The following SGCZ variants were observed in gnomAD, a reference collection of about 807,000 sequenced individuals.
SGCZ encodes the protein sarcoglycan zeta, also known as zeta-sarcoglycan.
A neutral mutation model predicts 41.3 loss-of-function variants in SGCZ; 40 were observed. The observed-to-expected ratio is 0.97, with a 90% CI of 0.75 to 1.26. SGCZ has a LOEUF of 1.26. SGCZ is among the 50% of genes most tolerant of loss of function. The probability of loss-of-function intolerance (pLI) is 0.00; values close to 1 mark genes in which losing one functional copy is unlikely to be tolerated. For missense variants in SGCZ, 552 were observed against 369.8 expected (o/e 1.49, Z -4.04); for synonymous variants, 206 against 137.5 (o/e 1.50, Z -3.49).
At chr8:14,739,585 C>G (rs1488077259) in intron 1 of SGCZ, among the ~76,000 whole-genome samples, 1 of 151,908 alleles carries the variant, frequency 6.6e-6, no homozygotes, top group Non-Finnish European at 1.5e-5. Flanking sequence ...TAAAACTGAC[C>G]AGTATTACTC....
At chr8:14,572,846 G>T (rs1049788650) in intron 1 of SGCZ, among the ~76,000 whole-genome samples, 11 of 152,010 alleles carry the variant, frequency 7.2e-5, no homozygotes, top group African/African-American at 2.7e-4. Context: ...TTAAATCCAG[G>T]TCTGTTTTTT....
chr8:14,453,221 A>C (rs928943629), intron 2 of SGCZ, among the ~76,000 whole-genome samples: 3 of 152,218 alleles, frequency 2.0e-5, no homozygotes, highest in Non-Finnish European at 2.9e-5. Context: ...TGTAAACATA[A>C]AAATTTTCTA....
intron 1 of SGCZ, among the ~76,000 whole-genome samples, chr8:14,932,114 T>C (rs868315794): frequency 4.6e-5 from 7 of 152,144 alleles, no homozygotes; most frequent in Middle Eastern, 3.4e-3. Flanking sequence ...ATATAAATTT[T>C]ACTTTTTGAA....
chr8:14,659,742 G>A (rs894293457), intron 1 of SGCZ, among the ~76,000 whole-genome samples: 17 of 152,142 alleles, frequency 1.1e-4, no homozygotes, highest in African/African-American at 3.9e-4. Flanking sequence ...TGCTGATATT[G>A]ATTAAATTGT....
At chr8:15,165,096 C>T (rs926908146) in intron 1 of SGCZ, among the ~76,000 whole-genome samples, 2 of 152,100 alleles carry the variant, frequency 1.3e-5, no homozygotes, top group African/African-American at 4.8e-5. Flanking sequence ...TCAAGACCAG[C>T]CTGACCAACA....
chr8:14,554,230 T>C (rs1354408382), intron 2 of SGCZ, among the ~76,000 whole-genome samples: 1 of 152,046 alleles, frequency 6.6e-6, no homozygotes, highest in Non-Finnish European at 1.5e-5. Flanking sequence ...TTATAGGCAT[T>C]AGTCAATGTA....
chr8:14,211,352 C>T (rs1001969453), intron 4 of SGCZ, among the ~76,000 whole-genome samples: 6 of 152,126 alleles, frequency 3.9e-5, no homozygotes, highest in Non-Finnish European at 8.8e-5. Context: ...TGCCGCAGCA[C>T]CCAGGCGCTA....
intron 1 of SGCZ, among the ~76,000 whole-genome samples, chr8:14,928,829 A>T (rs551951657): frequency 2.0e-5 from 3 of 152,322 alleles, no homozygotes; most frequent in Admixed American, 2.0e-4. Context: ...TAGTATGCAG[A>T]CAAAATGTGT....
intron 1 of SGCZ, among the ~76,000 whole-genome samples, chr8:14,664,587 C>G (rs998241472): frequency 6.6e-6 from 1 of 151,996 alleles, no homozygotes; most frequent in Non-Finnish European, 1.5e-5. Flanking sequence ...AAATCATCAA[C>G]ACCTATTCTT....
intron 1 of SGCZ, among the ~76,000 whole-genome samples, chr8:15,214,419 T>C (rs1183422240): frequency 6.6e-6 from 1 of 152,162 alleles, no homozygotes; most frequent in African/African-American, 2.4e-5. Flanking sequence ...GTCCTAAAAA[T>C]TCACATTCAC....
intron 2 of SGCZ, among the ~76,000 whole-genome samples, chr8:14,533,169 G>T (rs1340634948): frequency 1.4e-5 from 2 of 144,188 alleles, no homozygotes; most frequent in African/African-American, 2.6e-5. Context: ...AACAGGCCCC[G>T]GTGTGTTGTC....
intron 1 of SGCZ, among the ~76,000 whole-genome samples, chr8:14,943,081 C>T (rs1203587553): frequency 4.6e-5 from 7 of 152,106 alleles, no homozygotes. Context: ...AGTCATACTT[C>T]ACTAGAACTC....
intron 1 of SGCZ, among the ~76,000 whole-genome samples, chr8:15,077,973 A>C (rs1805601300): frequency 6.7e-6 from 1 of 148,648 alleles, no homozygotes. Flanking sequence ...AGGAACCTGC[A>C]CAGGGTCTTG....
intron 1 of SGCZ, among the ~76,000 whole-genome samples, chr8:14,584,213 A>G (rs2117267246): frequency 6.6e-6 from 1 of 152,296 alleles, no homozygotes; most frequent in East Asian, 1.9e-4. Context: ...TAGATACGGC[A>G]TTGAAAGACA....
intron 1 of SGCZ, among the ~76,000 whole-genome samples, chr8:14,672,196 T>C (rs942091103): frequency 2.6e-5 from 4 of 152,200 alleles, no homozygotes; most frequent in African/African-American, 9.7e-5. Flanking sequence ...CATCTGGCAG[T>C]TAACTATGAC....
intron 4 of SGCZ, among the ~76,000 whole-genome samples, chr8:14,203,834 G>T (rs1805532712): frequency 6.6e-6 from 1 of 152,098 alleles, no homozygotes; most frequent in Non-Finnish European, 1.5e-5. Context: ...TCAGACAGGA[G>T]TTACATGGAA....
intron 1 of SGCZ, among the ~76,000 whole-genome samples, chr8:14,828,840 C>A (rs1244244599): frequency 6.6e-6 from 1 of 152,104 alleles, no homozygotes; most frequent in African/African-American, 2.4e-5. Flanking sequence ...CCTTCTTTAC[C>A]ATAACAATGC....
At chr8:14,582,286 G>T (rs192685406) in intron 1 of SGCZ, among the ~76,000 whole-genome samples, 197 of 152,026 alleles carry the variant, frequency 1.3e-3, no homozygotes, top group Non-Finnish European at 2.1e-3. Context: ...ACGTTTGGGG[G>T]GAGTTAAAAT....
chr8:14,768,547 GTAA>G lies in SGCZ; in HGVS notation c.40-213624_40-213622del, dbSNP rs753457191. On this transcript the variant is annotated intron_variant, in intron 1 of 7. Transcript: ENST00000382080. ...TTAAGGGCAAATTTGGATGAAAGGA[GTAA>G]TAATAACTGAAAGTTAAAATTATGT... Among the ~76,000 whole-genome samples the G allele has an allele frequency of 6.6e-5, 10 of 152,322 alleles. No individual in the cohort carries two copies. The East Asian group carries it at 1.5e-3, about 24-fold the overall frequency.
Sources: gnomAD v4.1 joint callset for allele counts (sites outside exome capture counted in the v4.1 genomes callset) on GRCh38, gnomAD v4.1.1 for gene constraint, MANE v1.5 for transcripts, NCBI Gene and HGNC (gene_info 2026-07-23, HGNC 2026-07-21) for gene names.